Variants in CHD1L observed in about 807,000 individuals in gnomAD.
The protein encoded by CHD1L is ATP-dependent chromatin remodeler CHD1L.
A neutral mutation model predicts 115.9 loss-of-function variants in CHD1L; 118 were observed. The ratio of observed to expected loss-of-function variants is 1.02; its 90% confidence interval spans 0.88 to 1.19. The LOEUF is 1.19. CHD1L is among the 50% of genes most tolerant of loss of function. The pLI is 0.00. For missense variants in CHD1L, 1,179 were observed against 1,065.3 expected, an observed-to-expected ratio of 1.11 and a Z score of -1.49; for synonymous variants, 411 against 387.1, an observed-to-expected ratio of 1.06 and a Z score of -0.72.
At chr1:147,238,480 T>C (rs587627094), upstream of CHD1L, among the ~76,000 whole-genome samples, 224 of 152,348 alleles carry the variant, frequency 1.5e-3, no homozygotes, top group Non-Finnish European at 2.5e-3. Context: ...TTGGTTAGCA[T>C]TAATCTTATG....
the CHD1L span, among the ~76,000 whole-genome samples, chr1:147,228,518 T>C: frequency 6.6e-6 from 1 of 152,366 alleles, no homozygotes; most frequent in East Asian, 1.9e-4. Context: ...CCTTTGGGTA[T>C]ATACCCAGTA....
At chr1:147,219,839 G>GC in the CHD1L span, among the ~76,000 whole-genome samples, 1 of 106,664 alleles carries the variant, frequency 9.4e-6, no homozygotes, top group Admixed American at 9.9e-5. Flanking sequence ...AATGTTAATT[G>GC]CTTTTTTTTT....
intron 10 of CHD1L, among the ~76,000 whole-genome samples, chr1:147,270,065 A>G (rs997172466): frequency 2.0e-5 from 3 of 152,222 alleles, no homozygotes; most frequent in South Asian, 2.1e-4. Context: ...CAAATGGCAG[A>G]AATGAGATTA....
At chr1:147,204,175 A>G in the CHD1L span, 31 of 1,317,506 alleles carry the variant, frequency 2.4e-5, no homozygotes, top group Admixed American at 5.2e-4. Context: ...CTGTTCCCTT[A>G]GTTTCTGTTA....
upstream of CHD1L, among the ~76,000 whole-genome samples, chr1:147,241,304 CCGTCTTTG>C (rs1409941828): frequency 6.6e-6 from 1 of 152,124 alleles, no homozygotes; most frequent in Non-Finnish European, 1.5e-5. Context: ...TTTAAATGGC[CCGTCTTTG>C]CCTTAAGTAA....
intron 5 of CHD1L, 67 bp downstream of exon 5, chr1:147,256,629 G>T: frequency 4.0e-6 from 6 of 1,487,126 alleles, no homozygotes; most frequent in Non-Finnish European, 5.6e-6. Context: ...TTTCCTTCAC[G>T]TTTTAGTACT....
At chr1:147,190,274 A>G in the CHD1L span, 2 of 1,395,304 alleles carry the variant, frequency 1.4e-6, no homozygotes, top group Admixed American at 3.5e-5. Flanking sequence ...TAACATTTTA[A>G]CTGTAAAATT....
chr1:147,289,947 G>T (rs1684849883), intron 19 of CHD1L, among the ~76,000 whole-genome samples: 1 of 152,208 alleles, frequency 6.6e-6, no homozygotes, highest in African/African-American at 2.4e-5. Context: ...AATGGAATGG[G>T]TAATAGCTGG....
At chr1:147,235,103 G>GTGTGTGTGTGTGTGTGTGTGTGTGTA in the CHD1L span, among the ~76,000 whole-genome samples, 1 of 151,802 alleles carries the variant, frequency 6.6e-6, no homozygotes, top group African/African-American at 2.4e-5. Flanking sequence ...GTGTGTGTGT[G>GTGTGTGTGTGTGTGTGTGTGTGTGTA]TGTGTGTGTG....
At chr1:147,221,747 T>C in the CHD1L span, among the ~76,000 whole-genome samples, 11 of 152,210 alleles carry the variant, frequency 7.2e-5, no homozygotes, top group Non-Finnish European at 1.6e-4. Context: ...GAATGACAGA[T>C]CTCACCTCTT....
At chr1:147,192,809 T>A in the CHD1L span, among the ~76,000 whole-genome samples, 6 of 152,188 alleles carry the variant, frequency 3.9e-5, no homozygotes, top group African/African-American at 1.4e-4. Context: ...TATGCTGGAT[T>A]ACATTTATTG....
chr1:147,181,513 C>T, the CHD1L span, among the ~76,000 whole-genome samples: 2 of 152,100 alleles, frequency 1.3e-5, no homozygotes, highest in African/African-American at 4.8e-5. Flanking sequence ...GGAAAGGAGA[C>T]AACATATTTG....
At chr1:147,258,809 T>C (rs1553941988) in intron 5 of CHD1L, 1 of 152,232 alleles carries the variant, frequency 6.6e-6, no homozygotes, top group Non-Finnish European at 1.5e-5. Flanking sequence ...TACCTGTATA[T>C]ACATTTAGTT....
At chr1:147,239,409 A>C (rs1664699471), upstream of CHD1L, among the ~76,000 whole-genome samples, 1 of 152,190 alleles carries the variant, frequency 6.6e-6, no homozygotes, top group Non-Finnish European at 1.5e-5. Flanking sequence ...TGCTCGGGCC[A>C]CATCCCTGAA....
chr1:147,277,004 A>G (rs1678747044), intron 14 of CHD1L, among the ~76,000 whole-genome samples: 1 of 152,164 alleles, frequency 6.6e-6, no homozygotes, highest in Non-Finnish European at 1.5e-5. Flanking sequence ...ATTGCAAAAG[A>G]AGGAAGGACA....
chr1:147,204,778 AT>A, the CHD1L span: 2 of 1,578,910 alleles, frequency 1.3e-6, no homozygotes, highest in Non-Finnish European at 1.7e-6. Flanking sequence ...CATTTTTTTC[AT>A]TCCATTTCGT....
chr1:147,228,278 C>T, the CHD1L span, among the ~76,000 whole-genome samples: 351 of 151,250 alleles, frequency 2.3e-3, 1 homozygote, highest in African/African-American at 7.8e-3. Context: ...TTTGTCCTTG[C>T]AACAGTTTGC....
chr1:147,271,051 A>G, intron 11 of CHD1L, 46 bp downstream of exon 11: 1 of 1,444,164 alleles, frequency 6.9e-7, no homozygotes. Context: ...TGTTAGACTT[A>G]ACAGTCCAGA....
At chr1:147,284,946 T>C (rs1299557223) in intron 16 of CHD1L, among the ~76,000 whole-genome samples, 3 of 152,182 alleles carry the variant, frequency 2.0e-5, no homozygotes, top group Non-Finnish European at 2.9e-5. Context: ...CTTAAAAAAG[T>C]TACATAATAC....
Sources: gnomAD v4.1 joint callset for allele counts (sites outside exome capture counted in the v4.1 genomes callset) on GRCh38, gnomAD v4.1.1 for gene constraint, MANE v1.5 for transcripts, NCBI Gene and HGNC (gene_info 2026-07-23, HGNC 2026-07-21) for gene names.